DIP2C: variants seen among roughly 807,000 people sequenced by gnomAD.
DIP2C encodes disco-interacting protein 2 homolog C.
In DIP2C, 33 loss-of-function variants were observed where a neutral mutation model predicts 192.4. That is an observed-to-expected ratio of 0.17 (90% CI 0.13 to 0.23). DIP2C has a LOEUF of 0.23. Among genes scored for constraint, DIP2C ranks in the 10% least tolerant of loss-of-function variants. The pLI is 1.00. For synonymous variants in DIP2C, 979 were observed against 864.1 expected (o/e 1.13, Z -2.33); for missense variants, 1,537 against 2,110.1 (o/e 0.73, Z 5.32).
chr10:542,466 A>G (rs10904450), intron 1 of DIP2C, among the ~76,000 whole-genome samples: 40,926 of 152,182 alleles, frequency 0.27, 8,015 homozygotes, highest in African/African-American at 0.56. Context: ...CACCAGCAGG[A>G]CTGCCAGCGG....
chr10:461,790 A>G (rs1969799563), intron 3 of DIP2C, among the ~76,000 whole-genome samples: 3 of 151,720 alleles, frequency 2.0e-5, no homozygotes, highest in Admixed American at 6.6e-5. Context: ...GAAGTAAAAC[A>G]CTCAACAAAT....
rs751598352 is a variant in DIP2C, at chr10:651,234, T to C, written c.85+38260A>G. 74 of 716,750 alleles carry C rather than the reference T, an allele frequency of 1.0e-4. No homozygotes were observed. The highest frequency in any genetic ancestry group is 1.8e-4 in the Non-Finnish European group (68 of 385,132). 44.4% of individuals were successfully genotyped at this position (716,750 alleles called of 1,614,324 possible). A position where few individuals can be genotyped will look rare whatever the true frequency, so the allele number is the denominator to read the frequency against. ...GTCCTCACCTGCATCACACCAATGA[T>C]GGCGTCACAGCGTGGGTTCCGGTCA... On this transcript the variant is annotated intron_variant, in intron 1 of 36. Transcript: ENST00000280886. The surrounding 1 kb of genome is among the most constrained non-coding windows in gnomAD (Gnocchi z 4.1).
intron 29 of DIP2C, 23 bp downstream of exon 29, chr10:341,176 A>G: frequency 6.2e-7 from 1 of 1,613,592 alleles, no homozygotes; most frequent in Non-Finnish European, 8.5e-7. Context: ...TTTTTAATGT[A>G]AAGATATAGA....
At chr10:327,452 G>C (rs776858387) in intron 30 of DIP2C, among the ~76,000 whole-genome samples, 1 of 152,212 alleles carries the variant, frequency 6.6e-6, no homozygotes, top group Non-Finnish European at 1.5e-5. Flanking sequence ...AAAAGGTTGA[G>C]GAAAAGCAAC....
intron 9 of DIP2C, among the ~76,000 whole-genome samples, chr10:404,675 G>A (rs1217962583): frequency 6.6e-6 from 1 of 152,218 alleles, no homozygotes; most frequent in Non-Finnish European, 1.5e-5. Flanking sequence ...TGCTGGAAAG[G>A]TCGGAATGCA....
chr10:487,759 A>G (rs975917116), intron 1 of DIP2C, among the ~76,000 whole-genome samples: 1 of 151,698 alleles, frequency 6.6e-6, no homozygotes, highest in Non-Finnish European at 1.5e-5. Flanking sequence ...TTGTATTTTT[A>G]GTAGAGACAG....
chr10:619,215 A>G (rs1438904737), intron 1 of DIP2C, among the ~76,000 whole-genome samples: 1 of 152,158 alleles, frequency 6.6e-6, no homozygotes, highest in Admixed American at 6.5e-5. Context: ...CAATACGTGC[A>G]CCTTCGTGGG....
intron 16 of DIP2C, 129 bp from the exon 17 acceptor site, chr10:382,890 T>TA: frequency 1.9e-6 from 1 of 532,172 alleles, no homozygotes; most frequent in East Asian, 3.1e-5. Context: ...GAAAAATATT[T>TA]AATACAATTT....
At chr10:571,791 G>A (rs1194288853) in intron 1 of DIP2C, among the ~76,000 whole-genome samples, 4 of 152,270 alleles carry the variant, frequency 2.6e-5, no homozygotes, top group Non-Finnish European at 4.4e-5. Context: ...AGCAACATGG[G>A]ACATGGGAGA....
chr10:524,796 T>G (rs963162334), intron 1 of DIP2C, among the ~76,000 whole-genome samples: 2 of 152,098 alleles, frequency 1.3e-5, no homozygotes, highest in African/African-American at 4.8e-5. Context: ...GGGAGTTCAT[T>G]TTTAAATACC....
At chr10:302,230 G>A (rs1276796382) in intron 32 of DIP2C, among the ~76,000 whole-genome samples, 2 of 152,064 alleles carry the variant, frequency 1.3e-5, no homozygotes, top group Non-Finnish European at 1.5e-5. Flanking sequence ...AGCACCTGAC[G>A]CATACCAAGA....
intron 32 of DIP2C, among the ~76,000 whole-genome samples, chr10:307,840 A>G (rs1193617488): frequency 0.015 from 1,171 of 80,712 alleles, no homozygotes; most frequent in Middle Eastern, 0.065. Context: ...CCCGGCACAC[A>G]GTCCATCTGG....
At chr10:420,824 T>C (rs1403709100) in intron 5 of DIP2C, among the ~76,000 whole-genome samples, 6 of 152,240 alleles carry the variant, frequency 3.9e-5, no homozygotes, top group Middle Eastern at 6.8e-3. Flanking sequence ...GCCCTGGGCT[T>C]TTCTCCCCTC....
intron 4 of DIP2C, among the ~76,000 whole-genome samples, chr10:432,703 T>C (rs1203492887): frequency 6.6e-6 from 1 of 152,218 alleles, no homozygotes; most frequent in East Asian, 1.9e-4. Context: ...TTACTTAGAA[T>C]TTAATTTGCT....
intron 1 of DIP2C, among the ~76,000 whole-genome samples, chr10:556,864 C>T (rs548366263): frequency 7.9e-5 from 12 of 152,344 alleles, no homozygotes; most frequent in South Asian, 2.1e-4. Flanking sequence ...GGGATCTGTG[C>T]ACCTGAGTCC....
rs530584625 is a variant in DIP2C at position 662,131 on chromosome 10, A to G, written c.85+27363T>C. The G allele has an allele frequency of 2.5e-5, 18 of 717,286 alleles. No individual in the cohort carries two copies. In the East Asian group the frequency reaches 4.8e-4, roughly 19 times the overall value. The allele number at this position is 717,286 out of a possible 1,614,324, so 44.4% of individuals were successfully genotyped here. On this transcript the variant is annotated intron_variant, in intron 1 of 36. Coordinates refer to ENST00000280886, the MANE Select transcript of DIP2C (RefSeq NM_014974.3). ...TAGTATCTGACAGGTAAGGACTTCC[A>G]CATTCTGACCCCAATCTAACTTTCT...
chr10:590,332 C>T (rs1452056578), intron 1 of DIP2C, among the ~76,000 whole-genome samples: 2 of 152,228 alleles, frequency 1.3e-5, no homozygotes, highest in Non-Finnish European at 2.9e-5. Context: ...ACTCAAAATA[C>T]AGCTTCTAAA....
At chr10:396,537 C>G (rs1320285054) in intron 10 of DIP2C, among the ~76,000 whole-genome samples, 1 of 152,182 alleles carries the variant, frequency 6.6e-6, no homozygotes, top group Admixed American at 6.5e-5. Context: ...CCTACAAGTT[C>G]CTGCAAATCA....
intron 3 of DIP2C, among the ~76,000 whole-genome samples, chr10:448,149 G>C: frequency 8.1e-6 from 1 of 122,826 alleles, no homozygotes; most frequent in African/African-American, 4.6e-5. Context: ...ACACAGTGGG[G>C]CAGCAGGACC....
Sources: gnomAD v4.1 joint callset for allele counts (sites outside exome capture counted in the v4.1 genomes callset) on GRCh38, gnomAD v4.1.1 for gene constraint, Gnocchi (gnomAD v3.1) non-coding constraint, MANE v1.5 for transcripts, NCBI Gene and HGNC (gene_info 2026-07-23, HGNC 2026-07-21) for gene names.